GABRB1: variants seen among roughly 807,000 people sequenced by gnomAD.
GABRB1 encodes the protein gamma-aminobutyric acid type A receptor subunit beta1.
A neutral mutation model predicts 51.6 loss-of-function variants in GABRB1; 17 were observed. The ratio of observed to expected loss-of-function variants is 0.33; its 90% CI spans 0.23 to 0.49. The LOEUF (loss-of-function observed/expected upper bound fraction) is 0.49, where lower values mean the gene tolerates loss of function less well. Among genes scored for constraint, GABRB1 ranks in the 20% least tolerant of loss-of-function variants. The pLI is 0.99. For synonymous variants in GABRB1, 247 were observed against 218.9 expected, an observed-to-expected ratio of 1.13 and a Z score of -1.14; for missense variants, 410 against 600.6, an observed-to-expected ratio of 0.68 and a Z score of 3.32.
intron 4 of GABRB1, among the ~76,000 whole-genome samples, chr4:47,275,861 G>T (rs1578055672): frequency 6.6e-6 from 1 of 152,274 alleles, no homozygotes; most frequent in African/African-American, 2.4e-5. Flanking sequence ...TAAACCAACA[G>T]AACCAGTAGT....
At chr4:47,053,445 G>A (rs1050636050) in intron 3 of GABRB1, among the ~76,000 whole-genome samples, 6 of 152,102 alleles carry the variant, frequency 3.9e-5, no homozygotes, top group Admixed American at 2.0e-4. Flanking sequence ...AGATGTATCT[G>A]TATGCATATA....
At chr4:47,192,300 A>G (rs1331512244) in intron 4 of GABRB1, among the ~76,000 whole-genome samples, 1 of 152,176 alleles carries the variant, frequency 6.6e-6, no homozygotes, top group Non-Finnish European at 1.5e-5. Flanking sequence ...ATCCCAAATG[A>G]TAGCTTTATG....
chr4:47,017,123 A>G (rs1724774650), intron 1 of GABRB1, among the ~76,000 whole-genome samples: 1 of 152,230 alleles, frequency 6.6e-6, no homozygotes, highest in Admixed American at 6.5e-5. Context: ...AAATGACCTG[A>G]AAAGTAATTC....
chr4:47,323,496 C>T (rs184833472), intron 5 of GABRB1, among the ~76,000 whole-genome samples: 47 of 151,972 alleles, frequency 3.1e-4, no homozygotes, highest in African/African-American at 1.1e-3. Flanking sequence ...CACAAAGAAA[C>T]GTGTTATTTT....
intron 4 of GABRB1, among the ~76,000 whole-genome samples, chr4:47,248,357 C>G (rs1414855006): frequency 6.6e-6 from 1 of 152,004 alleles, no homozygotes; most frequent in Non-Finnish European, 1.5e-5. Flanking sequence ...TCCTGGATCC[C>G]TGGTATGAAA....
At chr4:47,029,060 T>C (rs1725196462), upstream of GABRB1, among the ~76,000 whole-genome samples, 1 of 151,786 alleles carries the variant, frequency 6.6e-6, no homozygotes. Context: ...ATTTTGACTG[T>C]TGTATTACAT....
intron 1 of GABRB1, among the ~76,000 whole-genome samples, chr4:47,000,677 G>T (rs1201704649): frequency 6.6e-6 from 1 of 152,134 alleles, no homozygotes; most frequent in African/African-American, 2.4e-5. Context: ...GATAGACAGG[G>T]GGAATTGGCT....
intron 5 of GABRB1, among the ~76,000 whole-genome samples, chr4:47,376,795 C>T (rs1335718656): frequency 6.6e-6 from 1 of 152,128 alleles, no homozygotes; most frequent in East Asian, 1.9e-4. Context: ...TGTTCTACTT[C>T]CAGCCTTCTT....
intron 4 of GABRB1, among the ~76,000 whole-genome samples, chr4:47,314,150 A>G (rs1045957735): frequency 6.6e-6 from 1 of 152,080 alleles, no homozygotes; most frequent in Non-Finnish European, 1.5e-5. Flanking sequence ...CGTAGTTTAA[A>G]AAACAATGAG....
chr4:47,214,771 C>A (rs1720489353), intron 4 of GABRB1, among the ~76,000 whole-genome samples: 1 of 152,080 alleles, frequency 6.6e-6, no homozygotes, highest in South Asian at 2.1e-4. Context: ...GTTTCTAAAG[C>A]CATAAGCCAA....
chr4:47,084,187 C>T (rs983874889), intron 3 of GABRB1, among the ~76,000 whole-genome samples: 1 of 152,084 alleles, frequency 6.6e-6, no homozygotes, highest in African/African-American at 2.4e-5. Context: ...CTTAAATAAA[C>T]AGAATGTGTT....
intron 3 of GABRB1, among the ~76,000 whole-genome samples, chr4:47,077,860 ATTTTATATATATTATATGTAT>A (rs1369686455): frequency 1.4e-4 from 19 of 140,294 alleles, no homozygotes; most frequent in Non-Finnish European, 2.4e-4. Flanking sequence ...ATTTTTATAT[ATTTTATATATATTATATGTAT>A]TTTTATATAT....
At chr4:47,402,479 T>C (rs752588303) in intron 5 of GABRB1, among the ~76,000 whole-genome samples, 1 of 152,230 alleles carries the variant, frequency 6.6e-6, no homozygotes, top group Non-Finnish European at 1.5e-5. Flanking sequence ...TATTTTTAGA[T>C]TTTTAAAATG....
chr4:47,326,863 C>T (rs182206843), intron 5 of GABRB1, among the ~76,000 whole-genome samples: 196 of 152,276 alleles, frequency 1.3e-3, no homozygotes, highest in Non-Finnish European at 2.4e-3. Context: ...ACTGAGACAT[C>T]TATATCATAG....
chr4:47,090,772 T>C (rs564989764), intron 3 of GABRB1, among the ~76,000 whole-genome samples: 2 of 152,142 alleles, frequency 1.3e-5, no homozygotes, highest in Admixed American at 6.5e-5. Flanking sequence ...CAGTGCAGCA[T>C]AGAATGACCT....
chr4:47,132,947 A>G (rs1052382908), intron 3 of GABRB1, among the ~76,000 whole-genome samples: 1 of 152,180 alleles, frequency 6.6e-6, no homozygotes, highest in Non-Finnish European at 1.5e-5. Flanking sequence ...CCCTGCTCAA[A>G]TGCTACTCTA....
At chr4:47,336,505 A>T (rs977422222) in intron 5 of GABRB1, among the ~76,000 whole-genome samples, 1 of 152,238 alleles carries the variant, frequency 6.6e-6, no homozygotes, top group African/African-American at 2.4e-5. Flanking sequence ...AGAAGCCAAG[A>T]CACAGTGGCA....
chr4:47,191,022 G>C (rs1015732825), intron 4 of GABRB1, among the ~76,000 whole-genome samples: 1 of 151,924 alleles, frequency 6.6e-6, no homozygotes, highest in African/African-American at 2.4e-5. Context: ...AGGTCTTTTC[G>C]GGTCATTAAG....
chr4:47,301,659 C>T (rs2109939114), intron 4 of GABRB1, among the ~76,000 whole-genome samples: 1 of 150,798 alleles, frequency 6.6e-6, no homozygotes, highest in East Asian at 1.9e-4. Context: ...TTTCAATTAA[C>T]CCATTAATTA....
Sources: allele counts gnomAD v4.1 joint callset (sites outside exome capture counted in the v4.1 genomes callset), GRCh38; gene constraint gnomAD v4.1.1; transcripts MANE v1.5; gene names NCBI Gene and HGNC (gene_info 2026-07-23, HGNC 2026-07-21).